The following DISP1 variants were observed in gnomAD, a reference collection of about 807,000 sequenced individuals.
DISP1 encodes the protein dispatched RND transporter family member 1, also known as protein dispatched homolog 1.
A neutral mutation model predicts 37.3 loss-of-function variants in DISP1; 30 were observed. The observed-to-expected ratio is 0.80, with a 90% CI of 0.60 to 1.09. DISP1 has a LOEUF of 1.09. Among genes scored for constraint, DISP1 ranks in the 50% least tolerant of loss-of-function variants. The pLI, the probability that DISP1 is intolerant of heterozygous loss-of-function variation, is 0.00. For synonymous variants in DISP1, 634 were observed against 690.2 expected (o/e 0.92, Z 1.28); for missense variants, 1,598 against 1,879.5 (o/e 0.85, Z 2.77).
intron 3 of DISP1, among the ~76,000 whole-genome samples, chr1:222,980,228 G>C (rs922949050): frequency 6.6e-6 from 1 of 152,086 alleles, no homozygotes; most frequent in African/African-American, 2.4e-5. Context: ...AATGTATGTA[G>C]AACTTCAAAA....
chr1:222,878,582 C>A (rs373066891), intron 1 of DISP1, among the ~76,000 whole-genome samples: 3 of 152,114 alleles, frequency 2.0e-5, no homozygotes, highest in African/African-American at 7.2e-5. Context: ...ATCTCCAAGG[C>A]CCCATGTTCT....
At chr1:222,850,743 C>G (rs567085627) in intron 1 of DISP1, among the ~76,000 whole-genome samples, 92 of 152,280 alleles carry the variant, frequency 6.0e-4, no homozygotes, top group African/African-American at 2.2e-3. Flanking sequence ...GCCTCCAGTT[C>G]CCTCCATGTT....
chr1:222,897,477 T>C (rs1339954790), intron 1 of DISP1, among the ~76,000 whole-genome samples: 1 of 152,224 alleles, frequency 6.6e-6, no homozygotes, highest in East Asian at 1.9e-4. Context: ...ATATAAATTA[T>C]ACCTCAAAGT....
intron 1 of DISP1, among the ~76,000 whole-genome samples, chr1:222,846,478 T>C (rs1297651499): frequency 6.6e-6 from 1 of 150,438 alleles, no homozygotes; most frequent in East Asian, 1.9e-4. Context: ...GCAACAAGAG[T>C]GAAACTCTGT....
chr1:223,003,229 C>T lies in DISP1; in HGVS notation c.1832C>T (p.Thr611Ile). The T allele has an allele frequency of 6.2e-7, 1 of 1,614,220 alleles. No homozygotes were observed. ...CACGCTGCCCTCTCCATGTTCGTCA[C>T]CAGTTTTACCACTGCTGCTGCCTTT... Reference protein sequence around the residue: ...LQHAALSMFVTSFTTAAAFYA... With the variant: ...LQHAALSMFVISFTTAAAFYA... The change falls in exon 9 of 9, where the codon ACC (threonine) becomes ATC (isoleucine). Residue 611 changes from threonine (T) to isoleucine (I), a missense_variant. By Grantham distance (89) the Thr-to-Ile change is moderately conservative (BLOSUM62 -1). Coordinates refer to ENST00000675850, the MANE Select transcript of DISP1 (RefSeq NM_001377229.1). The surrounding 1 kb of genome is among the most constrained non-coding windows in gnomAD (Gnocchi z 4.3).
intron 1 of DISP1, 28 bp downstream of exon 1, chr1:222,815,106 C>A (rs1033109696): frequency 6.6e-6 from 1 of 152,226 alleles, no homozygotes; most frequent in Non-Finnish European, 1.5e-5. Context: ...ACGTTGCAGG[C>A]ACTTGTTTCC....
At chr1:222,925,240 A>T in intron 1 of DISP1, among the ~76,000 whole-genome samples, 1 of 152,184 alleles carries the variant, frequency 6.6e-6, no homozygotes, top group East Asian at 1.9e-4. Flanking sequence ...AAGAATTTAT[A>T]AGTTTCTGAG....
intron 1 of DISP1, among the ~76,000 whole-genome samples, chr1:222,924,685 C>G (rs1259145940): frequency 6.6e-6 from 1 of 152,176 alleles, no homozygotes; most frequent in African/African-American, 2.4e-5. Context: ...AAAGAAAAAT[C>G]TTGCTGAAGC....
At position 223,002,402 on chromosome 1, in the gene DISP1, G is replaced by C. The variant is rs1320817660; in HGVS notation, c.1005G>C (p.Gln335His). The C allele has an allele frequency of 2.5e-5, 40 of 1,613,922 alleles. No homozygotes were observed. The highest frequency in any genetic ancestry group is 5.1e-6 in the Non-Finnish European group (6 of 1,180,004). ...VDNSRIRSHP[Q>H]FGDLCQRTTA... ...CTCTGCAGATCAGATCTCATCCCCA[G>C]TTTGGTGATCTCTGCCAGAGGACCA... is the stretch of plus-strand genomic sequence containing the variant. Residue 335 changes from glutamine to histidine, a missense_variant, in exon 9 of 9, where the codon CAG becomes CAC. Transcript: ENST00000675850.
rs146818846 is a variant in DISP1, at chr1:222,841,295, C to T, written c.-159+26217C>T. Among the ~76,000 whole-genome samples, 16 of 152,160 alleles carry T rather than the reference C, an allele frequency of 1.1e-4. No homozygotes were observed. In the East Asian group the frequency reaches 2.5e-3, roughly 24 times the overall value. On this transcript the variant is annotated intron_variant, in intron 1 of 8. Coordinates refer to ENST00000675850, the MANE Select transcript of DISP1 (RefSeq NM_001377229.1). ...TAGGATCTCATAACACTAAACAAACCTGTATTTGTCAAACATTTATGCATT... is the reference window on the plus strand; with the variant it reads ...TAGGATCTCATAACACTAAACAAACTTGTATTTGTCAAACATTTATGCATT...
At chr1:222,895,895 G>GC (rs1364929426) in intron 1 of DISP1, among the ~76,000 whole-genome samples, 1 of 152,152 alleles carries the variant, frequency 6.6e-6, no homozygotes, top group African/African-American at 2.4e-5. Flanking sequence ...CTTAGGAAAG[G>GC]CACAAAGATT....
chr1:222,995,320 G>C (rs1008967183), intron 8 of DISP1, among the ~76,000 whole-genome samples: 1 of 152,016 alleles, frequency 6.6e-6, no homozygotes, highest in Admixed American at 6.6e-5. Context: ...TCCTAACCTA[G>C]TTTCATTGTT....
chr1:222,880,553 A>G (rs1414689543), intron 1 of DISP1, among the ~76,000 whole-genome samples: 5 of 152,240 alleles, frequency 3.3e-5, no homozygotes, highest in African/African-American at 4.8e-5. Flanking sequence ...TGACCTTTCA[A>G]TGCTAGGGAA....
chr1:222,999,573 C>G (rs1679299868), intron 8 of DISP1, among the ~76,000 whole-genome samples: 1 of 152,174 alleles, frequency 6.6e-6, no homozygotes, highest in African/African-American at 2.4e-5. Flanking sequence ...TACCATACTT[C>G]TCGCTTTGAA....
At chr1:222,948,404 C>T (rs971000299) in intron 3 of DISP1, among the ~76,000 whole-genome samples, 2 of 152,140 alleles carry the variant, frequency 1.3e-5, no homozygotes, top group South Asian at 2.1e-4. Flanking sequence ...ATGTGCTCTT[C>T]GATAGAGCTG....
At position 222,834,836 on chromosome 1, in the gene DISP1, G is replaced by C. The variant is rs370508426; in HGVS notation, c.-159+19758G>C. On this transcript the variant is annotated intron_variant, in intron 1 of 8. Transcript: ENST00000675850. Reference sequence around the variant, plus strand: ...CAAGTTACCCAACTTACTTGACTCTGTTTTTTTCCCATGCTTAAAGTAGAA... The same window carrying C: ...CAAGTTACCCAACTTACTTGACTCTCTTTTTTTCCCATGCTTAAAGTAGAA... 3.3e-5 allele frequency among the ~76,000 whole-genome samples: 5 copies of C among 152,078 alleles called. 1 individual carries two copies. The South Asian group carries it at 6.2e-4, about 19-fold the overall frequency.
chr1:222,907,361 A>G (rs1351650673), intron 1 of DISP1, among the ~76,000 whole-genome samples: 1 of 152,188 alleles, frequency 6.6e-6, no homozygotes, highest in African/African-American at 2.4e-5. Context: ...GAGATTCTCA[A>G]AGTGTGGTCC....
intron 3 of DISP1, among the ~76,000 whole-genome samples, chr1:222,973,625 A>AACATTAAG (rs1484891025): frequency 2.0e-5 from 3 of 152,240 alleles, no homozygotes; most frequent in Non-Finnish European, 4.4e-5. Context: ...TTAATAAGTG[A>AACATTAAG]ACATTAAGAT....
chr1:222,962,706 C>A (rs1676160017), intron 3 of DISP1, among the ~76,000 whole-genome samples: 1 of 152,170 alleles, frequency 6.6e-6, no homozygotes, highest in Non-Finnish European at 1.5e-5. Context: ...ATAAATGGTG[C>A]TGAGAAAACT....
Sources: gnomAD v4.1 joint callset for allele counts (sites outside exome capture counted in the v4.1 genomes callset) on GRCh38, gnomAD v4.1.1 for gene constraint, Gnocchi (gnomAD v3.1) non-coding constraint, MANE v1.5 for transcripts, NCBI Gene and HGNC (gene_info 2026-07-23, HGNC 2026-07-21) for gene names.